The following MORN1 variants were observed in gnomAD, a reference collection of about 807,000 sequenced individuals.
MORN1 encodes MORN repeat containing 1, also known as MORN repeat-containing protein 1.
MORN1 carries 67 observed loss-of-function variants against 61.9 expected under a neutral mutation model. The observed-to-expected ratio is 1.08, with a 90% confidence interval of 0.89 to 1.33. MORN1 has a LOEUF of 1.33. Ranked by LOEUF, MORN1 falls within the 40% of genes most tolerant of loss-of-function variation. The probability of loss-of-function intolerance (pLI) is 0.00; values close to 1 mark genes in which losing one functional copy is unlikely to be tolerated. For synonymous variants in MORN1, 301 were observed against 292.0 expected, an observed-to-expected ratio of 1.03 and a Z score of -0.31; for missense variants, 752 against 691.2, an observed-to-expected ratio of 1.09 and a Z score of -0.99.
At chr1:2,321,918 C>G in intron 13 of MORN1, 1 of 760,354 alleles carries the variant, frequency 1.3e-6, no homozygotes, top group Non-Finnish European at 1.6e-6. Flanking sequence ...GCCCCCACTG[C>G]TGACCTGGCT....
intron 5 of MORN1, 56 bp from the exon 6 acceptor site, chr1:2,385,121 T>A (rs1251268998): frequency 1.3e-6 from 2 of 1,524,368 alleles, no homozygotes; most frequent in Admixed American, 3.9e-5. Context: ...GTGGTGGCAG[T>A]GACTCAGACC....
chr1:2,323,776 C>A (rs922525118), intron 13 of MORN1: 24 of 985,268 alleles, frequency 2.4e-5, no homozygotes, highest in Non-Finnish European at 2.7e-5. Context: ...CTCCCCTCGG[C>A]TCCCCTTGGA....
At chr1:2,333,058 A>G (rs774912632) in intron 12 of MORN1, among the ~76,000 whole-genome samples, 13 of 152,242 alleles carry the variant, frequency 8.5e-5, no homozygotes, top group Non-Finnish European at 1.9e-4. Flanking sequence ...CACGGAACCC[A>G]GGAAGCTGGC....
At position 2,372,608 on chromosome 1, in the gene MORN1, T is replaced by C. The variant is rs1642146314; in HGVS notation, c.635-17A>G. ...TAGCTTGTTCTGGGAGAGGACAGAG[T>C]GTGGCTTTAGCGGTGACTGGCATGG... On this transcript the variant is annotated splice_polypyrimidine_tract_variant and intron_variant, in intron 7 of 13. Coordinates refer to ENST00000378531, the MANE Select transcript of MORN1 (RefSeq NM_024848.3). This position sits in a 1 kb window ranked among gnomAD's most constrained non-coding sequence, Gnocchi z 5.4. 2 of 1,603,428 alleles carry C rather than the reference T, an allele frequency of 1.2e-6. No individual in the cohort carries two copies. The highest frequency in any genetic ancestry group is 2.7e-5 in the African/African-American group (2 of 74,204).
chr1:2,358,418 G>C (rs948132724), intron 9 of MORN1, among the ~76,000 whole-genome samples, 174 bp downstream of exon 9: 1 of 152,114 alleles, frequency 6.6e-6, no homozygotes, highest in African/African-American at 2.4e-5. Context: ...CACAGCAGAG[G>C]GTCAGGTACT....
intron 12 of MORN1, among the ~76,000 whole-genome samples, chr1:2,330,686 A>G (rs1641129070): frequency 6.6e-6 from 1 of 152,218 alleles, no homozygotes; most frequent in African/African-American, 2.4e-5. Context: ...AGGAGCTTGG[A>G]TGCCGACAGC....
intron 10 of MORN1, among the ~76,000 whole-genome samples, chr1:2,354,749 T>G (rs1444295632): frequency 6.6e-6 from 1 of 152,148 alleles, no homozygotes; most frequent in African/African-American, 2.4e-5. Context: ...CCTCCCTTTA[T>G]GGATGAGGAA....
intron 8 of MORN1, among the ~76,000 whole-genome samples, chr1:2,369,679 T>C (rs1205904384): frequency 6.6e-6 from 1 of 151,814 alleles, no homozygotes; most frequent in Non-Finnish European, 1.5e-5. Context: ...CATGATGGCA[T>C]AAAAAGAATA....
chr1:2,345,829 C>CCACACACACACACA lies in MORN1; in HGVS notation c.1037-8993_1037-8980dup, dbSNP rs57669691. Among the ~76,000 whole-genome samples the CCACACACACACACA allele has an allele frequency of 8.9e-3, 1,325 of 149,098 alleles. 11 individuals are homozygous for CCACACACACACACA. The highest frequency in any genetic ancestry group is 0.022 in the African/African-American group (918 of 40,804). On this transcript the variant is annotated intron_variant, in intron 10 of 13. Coordinates refer to ENST00000378531, the MANE Select transcript of MORN1 (RefSeq NM_024848.3). ...CACACACACAGCCACATGTATGCGGCCACACACACACACACACACACACAC... is the reference window on the plus strand; with the variant it reads ...CACACACACAGCCACATGTATGCGGCCACACACACACACACACACACACACACACACACACACAC...
At chr1:2,358,773 C>T (rs536023372) in intron 8 of MORN1, 58 bp from the exon 9 acceptor site, 77 of 1,556,678 alleles carry the variant, frequency 4.9e-5, no homozygotes, top group Admixed American at 9.6e-5. Context: ...GCGGGGTGCG[C>T]GGGCCCGGGG....
rs180793811 is a variant in MORN1 at position 2,321,993 on chromosome 1, C to T, written c.1298-414G>A. ...TTTTTTAGGAGAAAAATAATTCATT[C>T]CCTCCATAAACTGTTTTTAAAAATA... is the stretch of plus-strand genomic sequence containing the variant. On this transcript the variant is annotated intron_variant, in intron 13 of 13. Transcript: ENST00000378531. The T allele has an allele frequency of 9.1e-5, 89 of 976,862 alleles. No individual in the cohort carries two copies. In the East Asian group the frequency reaches 2.9e-3, roughly 31 times the overall value. The allele number at this position is 976,862 out of a possible 1,614,324, so 60.5% of individuals were successfully genotyped here.
At chr1:2,389,113 CAAAAAA>C in intron 2 of MORN1, among the ~76,000 whole-genome samples, 1 of 113,016 alleles carries the variant, frequency 8.8e-6, no homozygotes, top group Non-Finnish European at 1.8e-5. Context: ...ACTCTGTCTC[CAAAAAA>C]AAAAAAAAAG....
intron 12 of MORN1, among the ~76,000 whole-genome samples, chr1:2,335,849 G>A (rs575245968): frequency 2.4e-4 from 34 of 139,112 alleles, no homozygotes; most frequent in Middle Eastern, 6.9e-3. Flanking sequence ...AGCCCAGCGC[G>A]CAGCTGCCCC....
intron 12 of MORN1, among the ~76,000 whole-genome samples, chr1:2,335,975 G>A (rs1395785977): frequency 6.6e-6 from 1 of 152,184 alleles, no homozygotes. Context: ...TGCTGTGCCC[G>A]TAGCACTGCC....
At chr1:2,349,833 G>A (rs1011234152) in intron 10 of MORN1, among the ~76,000 whole-genome samples, 3 of 152,128 alleles carry the variant, frequency 2.0e-5, no homozygotes, top group African/African-American at 7.2e-5. Context: ...TGTCCAACAC[G>A]TGTAAGAGAA....
chr1:2,348,662 C>CCTGCGCAGGCACGCACACACGCAA (rs1553212580), intron 10 of MORN1, among the ~76,000 whole-genome samples: 1 of 136,704 alleles, frequency 7.3e-6, no homozygotes, highest in Non-Finnish European at 1.7e-5. Flanking sequence ...CACACACGCA[C>CCTGCGCAGGCACGCACACACGCAA]GCACACGCAC....
chr1:2,339,262 G>A (rs1311283814), intron 10 of MORN1, among the ~76,000 whole-genome samples: 1 of 152,202 alleles, frequency 6.6e-6, no homozygotes, highest in Non-Finnish European at 1.5e-5. Context: ...CTTTCTTCTG[G>A]ATGTCACCTC....
At chr1:2,387,106 CCTA>C in intron 4 of MORN1, 2 of 403,054 alleles carry the variant, frequency 5.0e-6, no homozygotes, top group Non-Finnish European at 9.3e-6. Context: ...CCCAGGCCAA[CCTA>C]CTGACCCCAG....
intron 11 of MORN1, 75 bp from the exon 12 acceptor site, chr1:2,336,623 C>G (rs1461502325): frequency 6.3e-7 from 1 of 1,591,126 alleles, no homozygotes; most frequent in Non-Finnish European, 8.6e-7. Flanking sequence ...TCCAACCCCC[C>G]TGGGGCACAC....
Sources: gnomAD v4.1 joint callset for allele counts (sites outside exome capture counted in the v4.1 genomes callset) on GRCh38, gnomAD v4.1.1 for gene constraint, Gnocchi (gnomAD v3.1) non-coding constraint, MANE v1.5 for transcripts, NCBI Gene and HGNC (gene_info 2026-07-23, HGNC 2026-07-21) for gene names.